The following MYH9 variants were observed in gnomAD, a reference collection of about 807,000 sequenced individuals.
MYH9 encodes the protein myosin-9.
MYH9 carries 29 observed loss-of-function variants against 241.9 expected under a neutral mutation model. The ratio of observed to expected loss-of-function variants is 0.12; its 90% CI spans 0.09 to 0.16. The LOEUF is 0.16. MYH9 is among the 10% of genes least tolerant of loss of function. The pLI is 1.00. For synonymous variants in MYH9, 1,047 were observed against 1,062.6 expected, an observed-to-expected ratio of 0.99 and a Z score of 0.29; for missense variants, 1,803 against 2,595.5, an observed-to-expected ratio of 0.69 and a Z score of 6.63.
chr22:36,320,175 C>T lies in MYH9; in HGVS notation c.1012+45G>A. On this transcript the variant is annotated intron_variant, in intron 9 of 40. Transcript: ENST00000216181. This position sits in a 1 kb window ranked among gnomAD's most constrained non-coding sequence, Gnocchi z 4.8. ...GATGCCCCGAGGCCGTGGGTACCAG[C>T]CTTCCTCTGCCCCACACTCGACCAT... 5.6e-6 allele frequency: 9 copies of T among 1,613,454 alleles called. No homozygotes were observed. Among genetic ancestry groups the T allele is most frequent in the Non-Finnish European group, 7.6e-6 (9 of 1,179,942 alleles).
rs772986254 is a variant in MYH9 at position 36,285,670 on chromosome 22, C to T, written c.5262G>A (p.Lys1754=). 6.2e-7 allele frequency: 1 copy of T among 1,612,524 alleles called. No homozygotes were observed. Among genetic ancestry groups the T allele is most frequent in the Non-Finnish European group, 8.5e-7 (1 of 1,180,018 alleles). ...NTELINDRLK[K]ANLQIDQINT... is the part of the protein sequence containing the mutation. Reference sequence around the variant, plus strand: ...TCCTGGCACCCACCTGCAGGTTGGCCTTCTTCAGCCGGTCGTTGATCAGCT... The same window carrying T: ...TCCTGGCACCCACCTGCAGGTTGGCTTTCTTCAGCCGGTCGTTGATCAGCT... Residue 1754 remains lysine (K), a synonymous_variant, in exon 37 of 41, where the codon AAG becomes AAA. Transcript: ENST00000216181. This position sits in a 1 kb window ranked among gnomAD's most constrained non-coding sequence, Gnocchi z 7.0.
At chr22:36,297,304 C>T (rs901882981) in intron 24 of MYH9, 2 of 453,570 alleles carry the variant, frequency 4.4e-6, no homozygotes, top group South Asian at 2.6e-5. Context: ...GAAGGCTGTA[C>T]CATGTCTGTA....
At chr22:36,353,278 T>C (rs80128983) in intron 1 of MYH9, among the ~76,000 whole-genome samples, 4,992 of 152,262 alleles carry the variant, frequency 0.033, 279 homozygotes, top group African/African-American at 0.11. Context: ...GACAGCGGGA[T>C]ACCCGGGAGG....
At position 36,282,745 on chromosome 22, in the gene MYH9, G is replaced by A. The variant is rs727503281; in HGVS notation, c.5806C>T (p.Arg1936Trp). The change falls in exon 41 of 41, where the codon CGG becomes TGG. Residue 1936 changes from arginine to tryptophan, a missense_variant. Arg to Trp is a moderately radical substitution (Grantham distance 101). This residue lies in a region of MYH9 where 876 missense variants were observed against 1,077.8 expected (regional missense o/e 0.81). Coordinates refer to ENST00000216181, the MANE Select transcript of MYH9 (RefSeq NM_002473.6). ...TCGGAGCCATCCCCGGCGCCTTTCC[G>A]GGCCATTCGGCGGGGCACGACAAAC... ...LPFVVPRRMA[R>W]KGAGDGSDEE... is the part of the protein sequence containing the mutation. 1.4e-5 allele frequency: 22 copies of A among 1,613,392 alleles called. No homozygotes were observed. The highest frequency in any genetic ancestry group is 8.3e-5 in the Admixed American group (5 of 60,008).
In MYH9 at chr22:36,292,181, A is replaced by G; in HGVS notation, c.4149T>C (p.Ala1383=). The part of the protein sequence containing the change: ...MEDSVGCLET[A]EEVKRKLQKD... ...TCTGGAGCTTCCTCTTCACCTCCTC[A>G]GCAGTTTCCAGGCACCCCACACTGT... Residue 1383 remains alanine, a synonymous_variant, in exon 31 of 41, where the codon GCT becomes GCC. Coordinates refer to ENST00000216181, the MANE Select transcript of MYH9 (RefSeq NM_002473.6). 6.2e-7 allele frequency: 1 copy of G among 1,613,924 alleles called. No homozygotes were observed. The highest frequency in any genetic ancestry group is 1.6e-4 in the Middle Eastern group (1 of 6,062).
intron 3 of MYH9, among the ~76,000 whole-genome samples, 165 bp downstream of exon 3, chr22:36,341,205 A>G (rs1603483861): frequency 1.3e-5 from 2 of 152,346 alleles, no homozygotes; most frequent in Admixed American, 1.3e-4. Flanking sequence ...CTGGATAGCC[A>G]CTGGCCCTGG....
At position 36,329,627 on chromosome 22, in the gene MYH9, C is replaced by G. The variant is rs1458011223; in HGVS notation, c.491-2139G>C. Among the ~76,000 whole-genome samples, 1 of 152,210 alleles carries G rather than the reference C, an allele frequency of 6.6e-6. No individual in the cohort carries two copies. Reference sequence around the variant, plus strand: ...TGCTACCATAAAAGGAAACATTCCCCAACCCTTCCAGAGGAACCGTTTTCC... The same window carrying G: ...TGCTACCATAAAAGGAAACATTCCCGAACCCTTCCAGAGGAACCGTTTTCC... On this transcript the variant is annotated intron_variant, in intron 3 of 40. Coordinates refer to ENST00000216181, the MANE Select transcript of MYH9 (RefSeq NM_002473.6). This position sits in a 1 kb window ranked among gnomAD's most constrained non-coding sequence, Gnocchi z 4.1.
chr22:36,311,155 G>T (rs2157254), intron 14 of MYH9, among the ~76,000 whole-genome samples: 1 of 152,026 alleles, frequency 6.6e-6, no homozygotes, highest in Non-Finnish European at 1.5e-5. Flanking sequence ...TTAACTGTTA[G>T]GGTCTTTGTG....
In MYH9 at chr22:36,304,054, C is replaced by T; in HGVS notation, c.2331G>A (p.Leu777=). ...VLAHLEEERD[L]KITDVIIGFQ... is the part of the protein sequence containing the mutation. Reference sequence around the variant, plus strand: ...ACCCTATGATGACGTCGGTGATCTTCAGGTCTCGCTCCTCCTCCAGGTGGG... The same window carrying T: ...ACCCTATGATGACGTCGGTGATCTTTAGGTCTCGCTCCTCCTCCAGGTGGG... The change falls in exon 19 of 41, where the codon CTG becomes CTA. Residue 777 remains leucine, a synonymous_variant. Transcript: ENST00000216181. 1 of 1,613,870 alleles carries T rather than the reference C, an allele frequency of 6.2e-7. No individual in the cohort carries two copies. Among genetic ancestry groups the T allele is most frequent in the Non-Finnish European group, 8.5e-7 (1 of 1,180,038 alleles).
At position 36,314,331 on chromosome 22, in the gene MYH9, A is replaced by G; in HGVS notation, c.1381-13T>C. The G allele has an allele frequency of 6.2e-7, 1 of 1,613,976 alleles. No homozygotes were observed. The highest frequency in any genetic ancestry group is 8.5e-7 in the Non-Finnish European group (1 of 1,180,032). ...CAAACGAGTTCAGCTGCAAGGAGAG[A>G]AAACAATGTCAGAGAGACGCCAACC... is the stretch of plus-strand genomic sequence containing the variant. On this transcript the variant is annotated splice_polypyrimidine_tract_variant and intron_variant, in intron 12 of 40. Transcript: ENST00000216181.
intron 1 of MYH9, among the ~76,000 whole-genome samples, chr22:36,356,662 T>G (rs1024137825): frequency 6.6e-6 from 1 of 151,716 alleles, no homozygotes; most frequent in Non-Finnish European, 1.5e-5. Context: ...CTCATTTGAT[T>G]CACTTATTCA....
chr22:36,377,009 G>C (rs1481097090), intron 1 of MYH9, among the ~76,000 whole-genome samples: 1 of 151,746 alleles, frequency 6.6e-6, no homozygotes, highest in Non-Finnish European at 1.5e-5. Flanking sequence ...GTTGCAGTGA[G>C]CCAAGATCGT....
chr22:36,306,785 G>T lies in MYH9; in HGVS notation c.1844-178C>A, dbSNP rs151227237. Among the ~76,000 whole-genome samples, 2 of 152,208 alleles carry T rather than the reference G, an allele frequency of 1.3e-5. No homozygotes were observed. The highest frequency in any genetic ancestry group is 4.8e-5 in the African/African-American group (2 of 41,454). On this transcript the variant is annotated intron_variant, in intron 15 of 40. Transcript: ENST00000216181. This position sits in a 1 kb window ranked among gnomAD's most constrained non-coding sequence, Gnocchi z 4.1. ...TGCTAAGGTCATCCCCAAACACAGC[G>T]GGAAGCCAAGGGGGATGCAAAGGCA...
In MYH9 at chr22:36,322,508, C is replaced by A. The variant is rs780693982; in HGVS notation, c.626G>T (p.Arg209Leu). The change falls in exon 6 of 41, where the codon CGG becomes CTG. Residue 209 changes from arginine (R) to leucine (L), a missense_variant. Arg to Leu is a moderately radical substitution (Grantham distance 102). Transcript: ENST00000216181. Reference protein sequence around the residue: ...KSKKDQGELERQLLQANPILE... With the variant: ...KSKKDQGELELQLLQANPILE... The stretch of plus-strand genomic sequence containing the variant: ...GATGGGGTTGGCCTGCAGCAGCTGC[C>A]GCTCCAGCTCGCCCTGCAAGGAACC... The A allele has an allele frequency of 6.2e-7, 1 of 1,613,542 alleles. No homozygotes were observed. The highest frequency in any genetic ancestry group is 1.3e-5 in the African/African-American group (1 of 74,928).
chr22:36,327,360 G>T, intron 4 of MYH9, 101 bp downstream of exon 4: 1 of 1,373,882 alleles, frequency 7.3e-7, no homozygotes. Flanking sequence ...AATTGGGAAT[G>T]GGGGACTCTG....
chr22:36,287,504 G>A (rs1004107731), intron 34 of MYH9, among the ~76,000 whole-genome samples: 6 of 152,110 alleles, frequency 3.9e-5, no homozygotes, highest in African/African-American at 1.4e-4. Context: ...AGCACTTTGG[G>A]AGGCCGAGGC....
chr22:36,332,369 T>C (rs959437626), intron 3 of MYH9, among the ~76,000 whole-genome samples: 2 of 152,206 alleles, frequency 1.3e-5, no homozygotes, highest in Admixed American at 6.5e-5. Flanking sequence ...CCTGGCAGCC[T>C]GCCTGCCTAG....
rs1379901696 is a variant in MYH9 at position 36,288,754 on chromosome 22, C to T, written c.4743G>A (p.Glu1581=). ...GTCTGACCAGCTGCTTCTTCTTCTC[C>T]TCGCTCTGCTCGTCCCGGCCCTGCA... ...RDLQGRDEQS[E]EKKKQLVRQV... is the part of the protein sequence containing the mutation. Residue 1581 remains glutamate, a synonymous_variant, in exon 33 of 41, where the codon GAG becomes GAA. Transcript: ENST00000216181. The surrounding 1 kb of genome is among the most constrained non-coding windows in gnomAD (Gnocchi z 4.8). 1 of 1,606,770 alleles carries T rather than the reference C, an allele frequency of 6.2e-7. No homozygotes were observed. The highest frequency in any genetic ancestry group is 1.1e-5 in the South Asian group (1 of 91,084).
rs577891632 is a variant in MYH9 at position 36,355,869 on chromosome 22, T to C, written c.-19-6614A>G. On this transcript the variant is annotated intron_variant, in intron 1 of 40. Coordinates refer to ENST00000216181, the MANE Select transcript of MYH9 (RefSeq NM_002473.6). ...CCCCCCTTTATTAATTAAGCAGACA[T>C]TGATAATGCCACCTCAAAGCTGTAA... Among the ~76,000 whole-genome samples, 6 of 152,274 alleles carry C rather than the reference T, an allele frequency of 3.9e-5. No homozygotes were observed. In the South Asian group the frequency reaches 1.2e-3, roughly 32 times the overall value.
Sources: allele counts gnomAD v4.1 joint callset (sites outside exome capture counted in the v4.1 genomes callset), GRCh38; gene constraint gnomAD v4.1.1; regional missense constraint gnomAD v4.1.1; non-coding constraint Gnocchi (gnomAD v3.1); transcripts MANE v1.5; gene names NCBI Gene and HGNC (gene_info 2026-07-23, HGNC 2026-07-21).